Variants in SYNPR observed in about 807,000 individuals in gnomAD.
SYNPR encodes synaptoporin.
SYNPR carries 23 observed loss-of-function variants against 32.9 expected under a neutral mutation model. The observed-to-expected ratio is 0.70, with a 90% CI of 0.50 to 0.99. SYNPR has a LOEUF of 0.99. Ranked by LOEUF, SYNPR falls within the 50% of genes least tolerant of loss-of-function variation. The pLI is 0.00. For synonymous variants in SYNPR, 146 were observed against 135.9 expected, an observed-to-expected ratio of 1.07 and a Z score of -0.52; for missense variants, 318 against 349.3, an observed-to-expected ratio of 0.91 and a Z score of 0.71.
In SYNPR at chr3:63,428,892, G is replaced by A. The variant is rs534607525; in HGVS notation, c.85-51940G>A. ...GCTGTTGGCCAGAGAAAGATATGAG[G>A]TGACTCCAGATTCAAGGAGTGAGAA... On this transcript the variant is annotated intron_variant, in intron 2 of 5. Coordinates refer to ENST00000478300, the MANE Select transcript of SYNPR (RefSeq NM_001130003.2). Among the ~76,000 whole-genome samples, 4 of 152,266 alleles carry A rather than the reference G, an allele frequency of 2.6e-5. No individual in the cohort carries two copies. In the East Asian group the frequency reaches 7.7e-4, roughly 29 times the overall value.
intron 2 of SYNPR, among the ~76,000 whole-genome samples, chr3:63,451,137 C>A (rs1289199700): frequency 1.3e-5 from 2 of 152,110 alleles, no homozygotes; most frequent in Non-Finnish European, 1.5e-5. Context: ...AGTAACTTCC[C>A]AGAGTTATGA....
intron 2 of SYNPR, among the ~76,000 whole-genome samples, chr3:63,347,917 GTATGTA>G (rs2087458475): frequency 8.6e-6 from 1 of 116,146 alleles, no homozygotes; most frequent in African/African-American, 3.3e-5. Flanking sequence ...GTGTGTGTGT[GTATGTA>G]TATATCACAT....
chr3:63,503,800 G>A (rs556270557), intron 3 of SYNPR, among the ~76,000 whole-genome samples: 1 of 152,100 alleles, frequency 6.6e-6, no homozygotes, highest in Non-Finnish European at 1.5e-5. Flanking sequence ...AACAAATAAT[G>A]TTAGAATTAT....
intron 2 of SYNPR, among the ~76,000 whole-genome samples, chr3:63,358,055 T>C (rs1341166724): frequency 6.6e-6 from 1 of 152,160 alleles, no homozygotes; most frequent in African/African-American, 2.4e-5. Context: ...CTTTTTGCAG[T>C]ATAGGGTGCC....
At chr3:63,577,078 A>T (rs894772672) in intron 4 of SYNPR, among the ~76,000 whole-genome samples, 2 of 152,144 alleles carry the variant, frequency 1.3e-5, no homozygotes, top group African/African-American at 4.8e-5. Context: ...TGTAGCGATG[A>T]AAGGACTGGG....
chr3:63,543,718 G>A (rs1399334672), intron 3 of SYNPR, among the ~76,000 whole-genome samples: 2 of 152,038 alleles, frequency 1.3e-5, no homozygotes, highest in Non-Finnish European at 2.9e-5. Context: ...CCAAATTGGG[G>A]TAATTTATCT....
chr3:63,256,240 G>A (rs776837885), intron 2 of SYNPR, among the ~76,000 whole-genome samples: 13 of 152,222 alleles, frequency 8.5e-5, no homozygotes, highest in Non-Finnish European at 1.9e-4. Flanking sequence ...CCAGCACGCA[G>A]CTGGAGATAT....
intron 2 of SYNPR, among the ~76,000 whole-genome samples, chr3:63,351,185 C>T (rs1228160450): frequency 2.0e-5 from 3 of 152,096 alleles, no homozygotes; most frequent in Non-Finnish European, 2.9e-5. Flanking sequence ...TGATCTTGGC[C>T]GATTTAACCC....
At chr3:63,383,901 T>C (rs2088007909) in intron 2 of SYNPR, among the ~76,000 whole-genome samples, 1 of 152,248 alleles carries the variant, frequency 6.6e-6, no homozygotes, top group South Asian at 2.1e-4. Flanking sequence ...TGCACACACA[T>C]ACACAAAAGG....
At chr3:63,335,370 A>G (rs2106990954) in intron 2 of SYNPR, among the ~76,000 whole-genome samples, 2 of 151,858 alleles carry the variant, frequency 1.3e-5, no homozygotes, top group East Asian at 3.9e-4. Context: ...AAAAAAAAAA[A>G]AAAATGGCAA....
chr3:63,529,618 T>G (rs1481864811), intron 3 of SYNPR, among the ~76,000 whole-genome samples: 1 of 152,202 alleles, frequency 6.6e-6, no homozygotes, highest in African/African-American at 2.4e-5. Context: ...TTGAAATCCA[T>G]AGAAGTTGAT....
chr3:63,272,639 A>G (rs894521533), intron 3 of SYNPR, among the ~76,000 whole-genome samples: 2 of 151,996 alleles, frequency 1.3e-5, no homozygotes, highest in African/African-American at 4.8e-5. Flanking sequence ...AAAGTATCAA[A>G]TAATTGAAAC....
chr3:63,305,848 A>C (rs2086904696), intron 2 of SYNPR, among the ~76,000 whole-genome samples: 1 of 151,990 alleles, frequency 6.6e-6, no homozygotes, highest in African/African-American at 2.4e-5. Flanking sequence ...CTTCGTTATA[A>C]AATGGAAAGT....
rs1219137959 is a variant in SYNPR at position 63,442,476 on chromosome 3, G to A, written c.85-38356G>A. ...GAAACATTGTCCACGATGCCAGTGT[G>A]AGAACATGTCACCTGTGGCAGCCTC... On this transcript the variant is annotated intron_variant, in intron 2 of 5. Coordinates refer to ENST00000478300, the MANE Select transcript of SYNPR (RefSeq NM_001130003.2). 2.6e-5 allele frequency among the ~76,000 whole-genome samples: 4 copies of A among 152,156 alleles called. No homozygotes were observed. In the East Asian group the frequency reaches 7.7e-4, roughly 29 times the overall value.
chr3:63,589,517 G>T (rs1319163446), intron 4 of SYNPR, among the ~76,000 whole-genome samples: 1 of 151,614 alleles, frequency 6.6e-6, no homozygotes, highest in African/African-American at 2.4e-5. Flanking sequence ...GAGAATTTTA[G>T]ACCAATATCC....
chr3:63,544,205 C>A (rs1416586712), intron 3 of SYNPR, among the ~76,000 whole-genome samples: 4 of 152,044 alleles, frequency 2.6e-5, no homozygotes, highest in African/African-American at 9.7e-5. Context: ...CTCCCAGTCA[C>A]CTGCAAAGCA....
At chr3:63,424,444 A>G (rs1240897929) in intron 2 of SYNPR, among the ~76,000 whole-genome samples, 8 of 152,188 alleles carry the variant, frequency 5.3e-5, no homozygotes, top group Non-Finnish European at 1.0e-4. Context: ...CTTTTGCAAA[A>G]TGAGAACAAT....
At chr3:63,364,626 G>A (rs1387464148) in intron 2 of SYNPR, among the ~76,000 whole-genome samples, 1 of 152,308 alleles carries the variant, frequency 6.6e-6, no homozygotes, top group African/African-American at 2.4e-5. Flanking sequence ...TATAAATTAT[G>A]GATTAAAATC....
At chr3:63,445,147 G>C (rs535142805) in intron 2 of SYNPR, among the ~76,000 whole-genome samples, 1 of 152,038 alleles carries the variant, frequency 6.6e-6, no homozygotes, top group African/African-American at 2.4e-5. Flanking sequence ...GTAACAGGTT[G>C]TATGTGAAGT....
Sources: allele counts gnomAD v4.1 joint callset (sites outside exome capture counted in the v4.1 genomes callset), GRCh38; gene constraint gnomAD v4.1.1; transcripts MANE v1.5; gene names NCBI Gene and HGNC (gene_info 2026-07-23, HGNC 2026-07-21).